The following CFAP61 variants were observed in gnomAD, a reference collection of about 807,000 sequenced individuals.
CFAP61 encodes the protein cilia and flagella associated protein 61, also known as cilia- and flagella-associated protein 61.
A neutral mutation model predicts 135.6 loss-of-function variants in CFAP61; 107 were observed. The ratio of observed to expected loss-of-function variants is 0.79; its 90% CI spans 0.67 to 0.93. CFAP61 has a LOEUF of 0.93. Ranked by LOEUF, CFAP61 falls within the 40% of genes least tolerant of loss-of-function variation. The pLI, the probability that CFAP61 is intolerant of heterozygous loss-of-function variation, is 0.00. For synonymous variants in CFAP61, 575 were observed against 578.5 expected (o/e 0.99, Z 0.09); for missense variants, 1,507 against 1,556.2 (o/e 0.97, Z 0.53).
Position 20,277,352 on chromosome 20 carries a change from T to C in CFAP61, c.2690T>C (p.Met897Thr), listed in dbSNP as rs776201744. ...GCGCTAGGAGCCGCCGGAGTCACTA[T>C]GTACCGGGATGCGATCCTGGCCCAG... ...ADALGAAGVT[M>T]YRDAILAQWN... Residue 897 changes from methionine to threonine, a missense_variant, in exon 22 of 27, where the codon ATG becomes ACG. Coordinates refer to ENST00000245957, the MANE Select transcript of CFAP61 (RefSeq NM_015585.4). The C allele has an allele frequency of 1.9e-6, 3 of 1,614,202 alleles. No homozygotes were observed. Among genetic ancestry groups the C allele is most frequent in the African/African-American group, 1.3e-5 (1 of 75,050 alleles).
At chr20:20,098,522 T>C in intron 7 of CFAP61, 133 bp from the exon 8 acceptor site, 1 of 714,456 alleles carries the variant, frequency 1.4e-6, no homozygotes, top group South Asian at 2.3e-5. Context: ...GGGAGAAGAA[T>C]TGCTTGAACT....
intron 8 of CFAP61, among the ~76,000 whole-genome samples, chr20:20,104,409 T>TA (rs938459062): frequency 5.3e-5 from 8 of 152,190 alleles, no homozygotes; most frequent in African/African-American, 1.9e-4. Flanking sequence ...GTGTCGGAGC[T>TA]AAAAAACAAT....
At chr20:20,182,995 T>C (rs6046710) in intron 13 of CFAP61, among the ~76,000 whole-genome samples, 137,614 of 152,200 alleles carry the variant, frequency 0.9, 63,042 homozygotes, top group Middle Eastern at 0.99. Flanking sequence ...CTCCTCAGGT[T>C]CCCCACATCT....
At chr20:20,056,060 A>C (rs759389210) in intron 1 of CFAP61, 1 of 1,384,522 alleles carries the variant, frequency 7.2e-7, no homozygotes, top group Admixed American at 2.1e-5. Flanking sequence ...GGGTTATACA[A>C]AGAAAACAAG....
chr20:20,129,383 A>G (rs1017825128), intron 8 of CFAP61, among the ~76,000 whole-genome samples: 2 of 151,822 alleles, frequency 1.3e-5, no homozygotes, highest in Non-Finnish European at 2.9e-5. Flanking sequence ...AATTTTGAAA[A>G]TGTCATCTCA....
intron 24 of CFAP61, among the ~76,000 whole-genome samples, chr20:20,291,022 T>A (rs901749453): frequency 4.6e-5 from 7 of 152,226 alleles, no homozygotes; most frequent in African/African-American, 1.7e-4. Flanking sequence ...AGAGCTGTTT[T>A]GGTTTCATAA....
At chr20:20,327,792 A>C (rs993141833) in intron 25 of CFAP61, among the ~76,000 whole-genome samples, 2 of 80,444 alleles carry the variant, frequency 2.5e-5, no homozygotes, top group South Asian at 4.5e-4. Context: ...AAAAAAAAAA[A>C]AAAAAAAAAA....
intron 8 of CFAP61, among the ~76,000 whole-genome samples, chr20:20,127,234 T>G (rs2146710627): frequency 6.6e-6 from 1 of 151,890 alleles, no homozygotes; most frequent in African/African-American, 2.4e-5. Context: ...CAGGGATTTC[T>G]TCTTGGTTTG....
intron 20 of CFAP61, among the ~76,000 whole-genome samples, chr20:20,259,308 C>G (rs1569205773): frequency 1.6e-5 from 2 of 124,030 alleles, no homozygotes; most frequent in African/African-American, 6.3e-5. Context: ...GGCTGGAGTG[C>G]AGTGGTGCAA....
chr20:20,302,971 C>G (rs945472323), intron 25 of CFAP61, among the ~76,000 whole-genome samples: 1 of 152,148 alleles, frequency 6.6e-6, no homozygotes, highest in African/African-American at 2.4e-5. Flanking sequence ...AATTTAAAAT[C>G]ATGAGCTTTC....
chr20:20,337,179 A>G (rs900512637), intron 25 of CFAP61, among the ~76,000 whole-genome samples: 2 of 152,248 alleles, frequency 1.3e-5, no homozygotes, highest in Non-Finnish European at 2.9e-5. Flanking sequence ...AGAGGAAAGC[A>G]GCCACTGGAA....
chr20:20,220,605 G>C (rs1452287000), intron 17 of CFAP61, among the ~76,000 whole-genome samples: 1 of 152,164 alleles, frequency 6.6e-6, no homozygotes, highest in Non-Finnish European at 1.5e-5. Context: ...CAGACACCCT[G>C]CTGGTGTCAG....
intron 15 of CFAP61, among the ~76,000 whole-genome samples, 179 bp from the exon 16 acceptor site, chr20:20,196,391 T>G (rs2056290200): frequency 6.6e-6 from 1 of 152,160 alleles, no homozygotes; most frequent in Non-Finnish European, 1.5e-5. Flanking sequence ...CAACTAGCAC[T>G]CAGGAAACGT....
chr20:20,093,434 C>CT lies in CFAP61; in HGVS notation c.699+2476dup, dbSNP rs11479548. 6.9e-3 allele frequency among the ~76,000 whole-genome samples: 837 copies of CT among 121,934 alleles called. 6 individuals carry two copies. Among genetic ancestry groups the CT allele is most frequent in the Middle Eastern group, 0.061 (15 of 246 alleles). 80.0% of individuals were successfully genotyped at this position (121,934 alleles called of 152,430 possible). On this transcript the variant is annotated intron_variant, in intron 7 of 26. Coordinates refer to ENST00000245957, the MANE Select transcript of CFAP61 (RefSeq NM_015585.4). ...TTAAAAACCATTGAATTGTGTATTT[C>CT]TTTTTTTTTTTTTTTTTTGAGACAG...
chr20:20,130,426 A>G (rs947625986), intron 8 of CFAP61, among the ~76,000 whole-genome samples: 1 of 151,812 alleles, frequency 6.6e-6, no homozygotes, highest in African/African-American at 2.4e-5. Context: ...CCATAGTTCC[A>G]TGTTTCCTGA....
chr20:20,244,641 A>G lies in CFAP61; in HGVS notation c.2061-1476A>G, dbSNP rs550910562. Among the ~76,000 whole-genome samples the G allele has an allele frequency of 3.9e-5, 6 of 152,354 alleles. No individual in the cohort carries two copies. The South Asian group carries it at 1.2e-3, about 32-fold the overall frequency. On this transcript the variant is annotated intron_variant, in intron 18 of 26. Transcript: ENST00000245957. ...ATGATGGGAGGGGCTGCTGTCTCTG[A>G]CATGCCCTGGAGACATTTTTTCCAT...
chr20:20,069,996 A>G, intron 2 of CFAP61: 1 of 278,592 alleles, frequency 3.6e-6, no homozygotes, highest in South Asian at 3.6e-5. Flanking sequence ...AAGAAAGTAA[A>G]AAATGCATTT....
intron 8 of CFAP61, among the ~76,000 whole-genome samples, chr20:20,119,466 T>A (rs2049439844): frequency 6.6e-6 from 1 of 152,168 alleles, no homozygotes; most frequent in Non-Finnish European, 1.5e-5. Context: ...TTATATTTCC[T>A]TGTATGTTTC....
At chr20:20,347,749 A>T (rs1198500254) in intron 26 of CFAP61, among the ~76,000 whole-genome samples, 2 of 152,126 alleles carry the variant, frequency 1.3e-5, no homozygotes, top group Non-Finnish European at 2.9e-5. Context: ...CCTGACCAAC[A>T]TGGTGAAACC....
Sources: gnomAD v4.1 joint callset for allele counts (sites outside exome capture counted in the v4.1 genomes callset) on GRCh38, gnomAD v4.1.1 for gene constraint, MANE v1.5 for transcripts, NCBI Gene and HGNC (gene_info 2026-07-23, HGNC 2026-07-21) for gene names.